Variants in DDC observed in about 807,000 individuals in gnomAD.
DDC encodes aromatic-L-amino-acid decarboxylase.
In DDC, 43 loss-of-function variants were observed where a neutral mutation model predicts 60.0. The ratio of observed to expected loss-of-function variants is 0.72; its 90% confidence interval spans 0.56 to 0.92. The LOEUF is 0.92. Among genes scored for constraint, DDC ranks in the 40% least tolerant of loss-of-function variants. DDC has a pLI of 0.00. For synonymous variants in DDC, 232 were observed against 234.6 expected, an observed-to-expected ratio of 0.99 and a Z score of 0.10; for missense variants, 573 against 620.2, an observed-to-expected ratio of 0.92 and a Z score of 0.81.
chr7:50,478,039 CA>C (rs58996327), intron 10 of DDC, among the ~76,000 whole-genome samples: 13,527 of 145,070 alleles, frequency 0.093, 727 homozygotes, highest in South Asian at 0.17. Flanking sequence ...CCGTCTCTAC[CA>C]AAAAAAAAAA....
intron 1 of DDC, among the ~76,000 whole-genome samples, chr7:50,552,053 T>C (rs1054762941): frequency 3.9e-5 from 6 of 152,178 alleles, no homozygotes; most frequent in Non-Finnish European, 7.3e-5. Flanking sequence ...AGCAGACACA[T>C]ACCACATACA....
intron 14 of DDC, among the ~76,000 whole-genome samples, chr7:50,462,487 G>A (rs1209085724): frequency 3.9e-5 from 6 of 152,202 alleles, no homozygotes; most frequent in South Asian, 2.1e-4. Context: ...CCCGGTAGTC[G>A]AAACATATCC....
intron 11 of DDC, among the ~76,000 whole-genome samples, chr7:50,474,928 G>C (rs1178595815): frequency 6.6e-6 from 1 of 152,232 alleles, no homozygotes; most frequent in African/African-American, 2.4e-5. Flanking sequence ...ATCCTCAGCA[G>C]AAAGCTGGAT....
chr7:50,474,793 T>C (rs1459472450), intron 11 of DDC, among the ~76,000 whole-genome samples: 1 of 152,214 alleles, frequency 6.6e-6, no homozygotes, highest in East Asian at 1.9e-4. Context: ...AGAGATGGTG[T>C]TGTGCCTTTT....
chr7:50,534,778 G>A (rs765918831), intron 4 of DDC, among the ~76,000 whole-genome samples: 1 of 152,216 alleles, frequency 6.6e-6, no homozygotes, highest in Admixed American at 6.5e-5. Flanking sequence ...CCCTCTGCAG[G>A]CACGCAGCTG....
intron 9 of DDC, among the ~76,000 whole-genome samples, chr7:50,484,539 C>T (rs1396490721): frequency 4.6e-5 from 7 of 152,068 alleles, no homozygotes; most frequent in Middle Eastern, 3.2e-3. Context: ...CTGTGGTAGT[C>T]GCCTCTTCAA....
intron 1 of DDC, among the ~76,000 whole-genome samples, chr7:50,558,303 A>T (rs1336400661): frequency 6.6e-6 from 1 of 152,156 alleles, no homozygotes; most frequent in Non-Finnish European, 1.5e-5. Flanking sequence ...GGACACCTGC[A>T]CTGTGAATCT....
chr7:50,545,400 A>G (rs2044768326), intron 1 of DDC, among the ~76,000 whole-genome samples: 1 of 152,230 alleles, frequency 6.6e-6, no homozygotes, highest in Admixed American at 6.5e-5. Flanking sequence ...ACACAAAGAA[A>G]AAGATAAGCC....
intron 6 of DDC, among the ~76,000 whole-genome samples, chr7:50,519,734 G>C (rs1369758846): frequency 6.6e-6 from 1 of 152,020 alleles, no homozygotes; most frequent in African/African-American, 2.4e-5. Context: ...TTGGGGACTT[G>C]GGGGGAAGAG....
At chr7:50,469,386 G>A (rs1264827984) in intron 12 of DDC, among the ~76,000 whole-genome samples, 3 of 152,164 alleles carry the variant, frequency 2.0e-5, no homozygotes, top group East Asian at 3.9e-4. Context: ...ACTGCAGGCC[G>A]GCACTGCTGG....
At chr7:50,499,092 G>T in intron 8 of DDC, 56 bp downstream of exon 8, 3 of 1,310,176 alleles carry the variant, frequency 2.3e-6, no homozygotes, top group Admixed American at 1.7e-5. Flanking sequence ...TGAAGGGAGA[G>T]GTCAATAACA....
chr7:50,518,103 C>T (rs1397322457), intron 6 of DDC, among the ~76,000 whole-genome samples: 4 of 151,126 alleles, frequency 2.6e-5, no homozygotes, highest in African/African-American at 7.3e-5. Flanking sequence ...CCCAGCTACT[C>T]AGGAGGCTGA....
intron 6 of DDC, among the ~76,000 whole-genome samples, chr7:50,524,735 TAC>T (rs1460704251): frequency 6.6e-6 from 1 of 152,196 alleles, no homozygotes; most frequent in Non-Finnish European, 1.5e-5. Flanking sequence ...TGTAAAATAA[TAC>T]AGTCACTCTG....
intron 1 of DDC, among the ~76,000 whole-genome samples, chr7:50,556,424 A>T (rs2045190566): frequency 6.6e-6 from 1 of 151,986 alleles, no homozygotes; most frequent in Non-Finnish European, 1.5e-5. Flanking sequence ...TGACTTCATG[A>T]CCTAATCATC....
At chr7:50,512,659 T>C (rs2043612867) in intron 6 of DDC, among the ~76,000 whole-genome samples, 1 of 152,174 alleles carries the variant, frequency 6.6e-6, no homozygotes, top group Admixed American at 6.5e-5. Context: ...TGATTGTTGA[T>C]TGTTGATTAC....
chr7:50,516,604 C>CA (rs199640698), intron 6 of DDC, among the ~76,000 whole-genome samples: 50 of 145,072 alleles, frequency 3.4e-4, no homozygotes, highest in Middle Eastern at 3.5e-3. Flanking sequence ...GAAATTGAAA[C>CA]AAAAAAAAAA....
At chr7:50,488,444 G>A (rs2042931593) in intron 9 of DDC, among the ~76,000 whole-genome samples, 1 of 151,876 alleles carries the variant, frequency 6.6e-6, no homozygotes, top group Non-Finnish European at 1.5e-5. Context: ...GGTATTTTTG[G>A]TAAGAAAGAT....
chr7:50,544,545 A>G (rs1420424289), intron 1 of DDC, among the ~76,000 whole-genome samples: 1 of 152,162 alleles, frequency 6.6e-6, no homozygotes, highest in Non-Finnish European at 1.5e-5. Flanking sequence ...GAGGGCATGA[A>G]GGCACAGTCA....
rs75267790 is a variant in DDC, at chr7:50,524,524, A to T, written c.714+3613T>A. Among the ~76,000 whole-genome samples, 333 of 152,340 alleles carry T rather than the reference A, an allele frequency of 2.2e-3. 1 individual carries two copies. Among genetic ancestry groups the T allele is most frequent in the Non-Finnish European group, 3.3e-3 (222 of 68,016 alleles). ...GAAAATGGGCAAAAGACATAAAGAC[A>T]CATGTCATTGACGAGGACATATAGA... On this transcript the variant is annotated intron_variant, in intron 6 of 14. Coordinates refer to ENST00000444124, the MANE Select transcript of DDC (RefSeq NM_001082971.2).
Sources: gnomAD v4.1 joint callset for allele counts (sites outside exome capture counted in the v4.1 genomes callset) on GRCh38, gnomAD v4.1.1 for gene constraint, MANE v1.5 for transcripts, NCBI Gene and HGNC (gene_info 2026-07-23, HGNC 2026-07-21) for gene names.